IGFBPL1: variants seen among roughly 807,000 people sequenced by gnomAD.
IGFBPL1 encodes the protein insulin-like growth factor-binding protein-like 1.
A neutral mutation model predicts 23.9 loss-of-function variants in IGFBPL1; 20 were observed. The ratio of observed to expected loss-of-function variants is 0.84; its 90% CI spans 0.59 to 1.22. The LOEUF (loss-of-function observed/expected upper bound fraction) is 1.22. Ranked by LOEUF, IGFBPL1 falls within the 50% of genes most tolerant of loss-of-function variation. The probability of loss-of-function intolerance (pLI) is 0.00; values close to 1 mark genes in which losing one functional copy is unlikely to be tolerated. For missense variants in IGFBPL1, 436 were observed against 379.3 expected (o/e 1.15, Z -1.24); for synonymous variants, 184 against 171.8 (o/e 1.07, Z -0.56).
chr9:38,415,436 C>T (rs1050613468), intron 1 of IGFBPL1, among the ~76,000 whole-genome samples: 12 of 152,108 alleles, frequency 7.9e-5, no homozygotes, highest in African/African-American at 2.7e-4. Context: ...TGACGGACAG[C>T]GTCGCATCAC....
In IGFBPL1 at chr9:38,411,334, A is replaced by G. The variant is rs1261508599; in HGVS notation, c.*9+57T>C. 33 of 1,446,750 alleles carry G rather than the reference A, an allele frequency of 2.3e-5. 2 individuals carry two copies. In the Middle Eastern group the frequency reaches 4.5e-3, roughly 196 times the overall value. 89.6% of individuals were successfully genotyped at this position (1,446,750 alleles called of 1,614,324 possible). A position where few individuals can be genotyped will look rare whatever the true frequency, so the allele number is the denominator to read the frequency against. On this transcript the variant is annotated intron_variant, in intron 4 of 4. Transcript: ENST00000377694. ...CTTTTTTTTACAGGTCTTATAAGCC[A>G]CCTCAAATATCTCATAACATGGGTG...
intron 1 of IGFBPL1, among the ~76,000 whole-genome samples, chr9:38,415,751 GAGCTAA>G (rs1224889258): frequency 6.6e-6 from 1 of 152,174 alleles, no homozygotes; most frequent in African/African-American, 2.4e-5. Context: ...TCCTCACCTA[GAGCTAA>G]AGCCTGTAAC....
At position 38,413,340 on chromosome 9, in the gene IGFBPL1, G is replaced by A; in HGVS notation, c.584C>T (p.Pro195Leu). 6.2e-7 allele frequency: 1 copy of A among 1,612,790 alleles called. No homozygotes were observed. The highest frequency in any genetic ancestry group is 1.1e-5 in the South Asian group (1 of 90,970). ...VITWRKVTKS[P>L]EGTQALEELP... ...CTCCTCCAGTGCTTGGGTGCCCTCA[G>A]GGGACTTCGTGACCTACAGGGGACA... The change falls in exon 3 of 5, where the codon CCT becomes CTT. Residue 195 changes from proline (P) to leucine (L), a missense_variant. Physicochemically the swap from Pro to Leu is moderately conservative, Grantham distance 98 (BLOSUM62 -3). Coordinates refer to ENST00000377694, the MANE Select transcript of IGFBPL1 (RefSeq NM_001007563.3).
At chr9:38,423,420 G>C (rs993652237) in intron 1 of IGFBPL1, among the ~76,000 whole-genome samples, 1 of 152,054 alleles carries the variant, frequency 6.6e-6, no homozygotes, top group African/African-American at 2.4e-5. Flanking sequence ...ACTTCTCCTG[G>C]ATGGAGCTCC....
intron 1 of IGFBPL1, among the ~76,000 whole-genome samples, chr9:38,421,419 T>C (rs572631648): frequency 1.1e-4 from 16 of 151,932 alleles, no homozygotes; most frequent in Admixed American, 2.0e-4. Context: ...TTTCAGGGCA[T>C]AGGAGGAAAG....
intron 4 of IGFBPL1, among the ~76,000 whole-genome samples, chr9:38,410,558 A>C (rs1821500976): frequency 6.6e-6 from 1 of 151,886 alleles, no homozygotes; most frequent in Non-Finnish European, 1.5e-5. Flanking sequence ...CTTTAAATGC[A>C]ATGGTGTGTG....
At chr9:38,419,715 G>C (rs76320777) in intron 1 of IGFBPL1, among the ~76,000 whole-genome samples, 8,808 of 152,196 alleles carry the variant, frequency 0.058, 817 homozygotes, top group African/African-American at 0.2. Flanking sequence ...AGTAATGAGA[G>C]CAATAATAAT....
At chr9:38,410,195 C>T (rs947014843) in intron 4 of IGFBPL1, among the ~76,000 whole-genome samples, 2 of 152,138 alleles carry the variant, frequency 1.3e-5, no homozygotes, top group African/African-American at 2.4e-5. Flanking sequence ...GTAAGAGGAT[C>T]GTGCAGGCCA....
intron 2 of IGFBPL1, 32 bp downstream of exon 2, chr9:38,414,062 C>T: frequency 8.0e-7 from 1 of 1,248,130 alleles, no homozygotes; most frequent in South Asian, 1.2e-5. Flanking sequence ...CACACACACA[C>T]ACGAGATGCA....
At chr9:38,420,194 C>A (rs1386120416) in intron 1 of IGFBPL1, among the ~76,000 whole-genome samples, 1 of 152,212 alleles carries the variant, frequency 6.6e-6, no homozygotes, top group East Asian at 1.9e-4. Context: ...GCACCCAAGG[C>A]TTGCAGTGGC....
chr9:38,422,613 G>C (rs1234905503), intron 1 of IGFBPL1, among the ~76,000 whole-genome samples: 1 of 152,184 alleles, frequency 6.6e-6, no homozygotes, highest in Non-Finnish European at 1.5e-5. Flanking sequence ...GAGGGGAAGG[G>C]ACCCGTCCAG....
chr9:38,411,780 C>T (rs1174638253), intron 3 of IGFBPL1, among the ~76,000 whole-genome samples: 12 of 152,090 alleles, frequency 7.9e-5, no homozygotes, highest in East Asian at 5.8e-4. Context: ...ATGATTCCTC[C>T]GCACACCTGC....
At chr9:38,409,666 T>C (rs12685364) in intron 4 of IGFBPL1, among the ~76,000 whole-genome samples, 9,076 of 152,264 alleles carry the variant, frequency 0.06, 355 homozygotes, top group East Asian at 0.18. Context: ...AAATTATAGA[T>C]ATATATATTT....
chr9:38,422,694 C>T (rs2118329375), intron 1 of IGFBPL1, among the ~76,000 whole-genome samples: 1 of 152,320 alleles, frequency 6.6e-6, no homozygotes, highest in Non-Finnish European at 1.5e-5. Flanking sequence ...GGAGCTTCAG[C>T]TAGGAACAGC....
In IGFBPL1 at chr9:38,408,266, A is replaced by T. The variant is rs887349371; in HGVS notation, c.*961T>A. Among the ~76,000 whole-genome samples the T allele has an allele frequency of 3.8e-5, 4 of 105,076 alleles. No homozygotes were observed. The highest frequency in any genetic ancestry group is 1.5e-4 in the African/African-American group (4 of 27,402). 68.9% of individuals were successfully genotyped at this position (105,076 alleles called of 152,430 possible). The stretch of plus-strand genomic sequence containing the variant: ...ACCCTGTCTCTACAAAAAAAAAAAA[A>T]AAAAAAAAAAAAATAGCTGGGTGTG... On this transcript the variant is annotated 3_prime_UTR_variant, in exon 5 of 5. Coordinates refer to ENST00000377694, the MANE Select transcript of IGFBPL1 (RefSeq NM_001007563.3).
In IGFBPL1 at chr9:38,413,349, G is replaced by A. The variant is rs766156696; in HGVS notation, c.575C>T (p.Thr192Met). 17 of 1,605,184 alleles carry A rather than the reference G, an allele frequency of 1.1e-5. No individual in the cohort carries two copies. The highest frequency in any genetic ancestry group is 4.0e-5 in the African/African-American group (3 of 74,684). ...PTPVITWRKVTKSPEGTQALE... is the reference protein window; with the variant it reads ...PTPVITWRKVMKSPEGTQALE... ...TGCTTGGGTGCCCTCAGGGGACTTC[G>A]TGACCTACAGGGGACAGGAATGCCA... The change falls in exon 3 of 5, where the codon ACG (threonine) becomes ATG (methionine). Residue 192 changes from threonine (T) to methionine (M), a missense_variant. Coordinates refer to ENST00000377694, the MANE Select transcript of IGFBPL1 (RefSeq NM_001007563.3).
At position 38,410,523 on chromosome 9, in the gene IGFBPL1, G is replaced by C. The variant is rs80125925; in HGVS notation, c.*9+868C>G. Reference sequence around the variant, plus strand: ...AAATGATTGGTCTGTAAATGGGCGGGGCACACATCACATCCGAGCAGAAAC... The same window carrying C: ...AAATGATTGGTCTGTAAATGGGCGGCGCACACATCACATCCGAGCAGAAAC... On this transcript the variant is annotated intron_variant, in intron 4 of 4. Transcript: ENST00000377694. Among the ~76,000 whole-genome samples the C allele has an allele frequency of 8.5e-3, 1,295 of 151,780 alleles. 82 individuals carry two copies. The East Asian group carries it at 0.18, about 21-fold the overall frequency.
chr9:38,419,071 T>C (rs1821637549), intron 1 of IGFBPL1, among the ~76,000 whole-genome samples: 1 of 152,066 alleles, frequency 6.6e-6, no homozygotes, highest in African/African-American at 2.4e-5. Flanking sequence ...ATATTATTAT[T>C]ATAGTGTGTG....
chr9:38,414,063 A>G (rs1587413983), intron 2 of IGFBPL1, 31 bp downstream of exon 2: 1 of 1,237,002 alleles, frequency 8.1e-7, no homozygotes, highest in Non-Finnish European at 1.2e-6. Context: ...ACACACACAC[A>G]CGAGATGCAT....
Sources: gnomAD v4.1 joint callset for allele counts (sites outside exome capture counted in the v4.1 genomes callset) on GRCh38, gnomAD v4.1.1 for gene constraint, MANE v1.5 for transcripts, NCBI Gene and HGNC (gene_info 2026-07-23, HGNC 2026-07-21) for gene names.